JPT1: variants seen among roughly 807,000 people sequenced by gnomAD.
JPT1 encodes Jupiter microtubule associated homolog 1.
Under a neutral mutation model 17.0 loss-of-function variants are expected in JPT1, and 5 were observed. That is an observed-to-expected ratio of 0.29 (90% confidence interval 0.15 to 0.62). The LOEUF (loss-of-function observed/expected upper bound fraction) is 0.62, where lower values mean the gene tolerates loss of function less well. Among genes scored for constraint, JPT1 ranks in the 20% least tolerant of loss-of-function variants. The pLI, the probability that JPT1 is intolerant of heterozygous loss-of-function variation, is 0.85. For synonymous variants in JPT1, 71 were observed against 73.6 expected (o/e 0.96, Z 0.18); for missense variants, 158 against 188.1 (o/e 0.84, Z 0.94).
chr17:75,147,379 G>GT (rs2074459918), intron 3 of JPT1, 177 bp downstream of exon 3: 3 of 560,684 alleles, frequency 5.4e-6, no homozygotes, highest in African/African-American at 1.9e-5. Flanking sequence ...GAAACAGACT[G>GT]AGACCATGTT....
chr17:75,153,285 CAAGT>C (rs922146204), intron 1 of JPT1: 2 of 152,168 alleles, frequency 1.3e-5, no homozygotes, highest in African/African-American at 4.8e-5. Context: ...ACCCTTCCAC[CAAGT>C]AAGTTAAGCA....
At chr17:75,136,368 G>T (rs2074197875) in intron 4 of JPT1, 118 bp from the exon 5 acceptor site, 1 of 970,364 alleles carries the variant, frequency 1.0e-6, no homozygotes, top group Admixed American at 3.0e-5. Context: ...ATACCTAAAA[G>T]CATAAACAAA....
intron 1 of JPT1, 118 bp downstream of exon 1, chr17:75,154,224 C>G: frequency 2.8e-6 from 2 of 705,852 alleles, no homozygotes; most frequent in Non-Finnish European, 3.9e-6. Flanking sequence ...CCACCCGCCC[C>G]GGCGCGAGCA....
chr17:75,153,359 A>G (rs922599066), intron 1 of JPT1: 8 of 152,216 alleles, frequency 5.3e-5, no homozygotes, highest in African/African-American at 1.7e-4. Context: ...CCCAAAAAGC[A>G]GTGGGAAGAA....
At chr17:75,146,734 C>G (rs760548010) in intron 3 of JPT1, 50 bp from the exon 4 acceptor site, 1 of 1,142,466 alleles carries the variant, frequency 8.8e-7, no homozygotes, top group African/African-American at 1.5e-5. Context: ...AATTTTGGAA[C>G]ACGCAAAACA....
At chr17:75,150,278 A>T (rs568702551) in intron 1 of JPT1, among the ~76,000 whole-genome samples, 2 of 151,192 alleles carry the variant, frequency 1.3e-5, no homozygotes, top group South Asian at 2.1e-4. Context: ...TTTGAGGCAC[A>T]ATCTCGCTCT....
intron 4 of JPT1, among the ~76,000 whole-genome samples, chr17:75,139,636 C>T (rs1230354105): frequency 1.3e-5 from 2 of 152,024 alleles, no homozygotes; most frequent in Admixed American, 6.6e-5. Flanking sequence ...GCTTGGCCAA[C>T]ATGGTGAAAC....
intron 4 of JPT1, among the ~76,000 whole-genome samples, chr17:75,142,432 C>A (rs983262040): frequency 6.6e-6 from 1 of 150,674 alleles, no homozygotes; most frequent in African/African-American, 2.4e-5. Flanking sequence ...TGGTGGCAGC[C>A]CTTGTAATCC....
chr17:75,150,720 T>C (rs888042188), intron 1 of JPT1, among the ~76,000 whole-genome samples: 5 of 152,130 alleles, frequency 3.3e-5, no homozygotes, highest in African/African-American at 1.2e-4. Context: ...TTTTGTTTTC[T>C]TACTGCCTGT....
rs1311290424 is a variant in JPT1, at chr17:75,149,429, G to A, written c.57-758C>T. Among the ~76,000 whole-genome samples, 10 of 152,136 alleles carry A rather than the reference G, an allele frequency of 6.6e-5. No individual in the cohort carries two copies. The South Asian group carries it at 2.1e-3, about 32-fold the overall frequency. On this transcript the variant is annotated intron_variant, in intron 1 of 4. Coordinates refer to ENST00000409753, the MANE Select transcript of JPT1 (RefSeq NM_016185.4). Reference sequence around the variant, plus strand: ...GTCGCCCAGGCTGGAGTGCAGTGGCGCGATCTCAGCTCACTGCAAGCTCCA... The same window carrying A: ...GTCGCCCAGGCTGGAGTGCAGTGGCACGATCTCAGCTCACTGCAAGCTCCA...
In JPT1 at chr17:75,135,875, C is replaced by A; in HGVS notation, c.*227G>T. ...AAACACAGTACTAAGTGTCACAAAG[C>A]TTTCCCTCCAATCTACTACTAGAAA... On this transcript the variant is annotated 3_prime_UTR_variant, in exon 5 of 5. Coordinates refer to ENST00000409753, the MANE Select transcript of JPT1 (RefSeq NM_016185.4). 1.2e-6 allele frequency: 1 copy of A among 859,706 alleles called. No homozygotes were observed. 53.3% of individuals were successfully genotyped at this position (859,706 alleles called of 1,614,324 possible).
intron 3 of JPT1, 113 bp downstream of exon 3, chr17:75,147,443 C>G: frequency 1.4e-6 from 1 of 720,108 alleles, no homozygotes; most frequent in Non-Finnish European, 2.5e-6. Context: ...TGGCCCAGTC[C>G]CTTTCCTAAC....
intron 1 of JPT1, among the ~76,000 whole-genome samples, chr17:75,152,479 A>G (rs886278891): frequency 6.6e-6 from 1 of 152,190 alleles, no homozygotes; most frequent in African/African-American, 2.4e-5. Flanking sequence ...GAGACAATAA[A>G]ATGACAATGC....
chr17:75,144,856 TTGA>T (rs976708725), intron 4 of JPT1, among the ~76,000 whole-genome samples: 1 of 151,904 alleles, frequency 6.6e-6, no homozygotes, highest in African/African-American at 2.4e-5. Flanking sequence ...GTCTTCTGTG[TTGA>T]TGATTGTTGT....
intron 4 of JPT1, among the ~76,000 whole-genome samples, chr17:75,144,855 G>GTTGA (rs965367483): frequency 6.6e-6 from 1 of 152,080 alleles, no homozygotes; most frequent in African/African-American, 2.4e-5. Context: ...CGTCTTCTGT[G>GTTGA]TTGATGATTG....
At position 75,147,338 on chromosome 17, in the gene JPT1, TAAAAC is replaced by T. The variant is rs987659662; in HGVS notation, c.297+213_297+217del. 4.6e-5 allele frequency among the ~76,000 whole-genome samples: 7 copies of T among 152,118 alleles called. No individual in the cohort carries two copies. In the South Asian group the frequency reaches 6.2e-4, roughly 14 times the overall value. On this transcript the variant is annotated intron_variant, in intron 3 of 4. Coordinates refer to ENST00000409753, the MANE Select transcript of JPT1 (RefSeq NM_016185.4). ...AAGTTCCAAAAATCAATAGGGGAGA[TAAAAC>T]AAATCCTAATGGTAAAAGAGATACA... is the stretch of plus-strand genomic sequence containing the variant.
At chr17:75,152,711 G>A (rs1232512524) in intron 1 of JPT1, among the ~76,000 whole-genome samples, 1 of 152,044 alleles carries the variant, frequency 6.6e-6, no homozygotes, top group Non-Finnish European at 1.5e-5. Context: ...TTATCATTCC[G>A]ACGACTGAAG....
intron 4 of JPT1, among the ~76,000 whole-genome samples, chr17:75,139,991 G>A (rs1463072174): frequency 4.0e-5 from 6 of 151,896 alleles, no homozygotes; most frequent in Admixed American, 1.3e-4. Flanking sequence ...GTGCAGTGGC[G>A]CAATCTATCT....
intron 4 of JPT1, among the ~76,000 whole-genome samples, chr17:75,144,259 T>G (rs1043955734): frequency 6.6e-6 from 1 of 152,154 alleles, no homozygotes; most frequent in Non-Finnish European, 1.5e-5. Flanking sequence ...CAGTGGCTCA[T>G]GCCTGTAATC....
Sources: gnomAD v4.1 joint callset for allele counts (sites outside exome capture counted in the v4.1 genomes callset) on GRCh38, gnomAD v4.1.1 for gene constraint, MANE v1.5 for transcripts, NCBI Gene and HGNC (gene_info 2026-07-23, HGNC 2026-07-21) for gene names.